Variants in OR2L13 observed in about 807,000 individuals in gnomAD.
OR2L13 encodes olfactory receptor family 2 subfamily L member 13.
A neutral mutation model predicts 15.3 loss-of-function variants in OR2L13; 14 were observed. The ratio of observed to expected loss-of-function variants is 0.91; its 90% CI spans 0.60 to 1.43. OR2L13 has a LOEUF of 1.43. Ranked by LOEUF, OR2L13 falls within the 40% of genes most tolerant of loss-of-function variation. OR2L13 has a pLI of 0.00. For synonymous variants in OR2L13, 152 were observed against 142.9 expected, an observed-to-expected ratio of 1.06 and a Z score of -0.45; for missense variants, 367 against 387.9, an observed-to-expected ratio of 0.95 and a Z score of 0.45.
At chr1:247,988,515 T>A in the OR2L13 span, among the ~76,000 whole-genome samples, 2 of 152,164 alleles carry the variant, frequency 1.3e-5, no homozygotes, top group African/African-American at 2.4e-5. Context: ...ATCATTTTAA[T>A]CAGGGTATAT....
chr1:247,993,809 G>GAGAA, the OR2L13 span, among the ~76,000 whole-genome samples: 285 of 132,882 alleles, frequency 2.1e-3, no homozygotes, highest in Admixed American at 2.8e-3. Flanking sequence ...GAGAGAGAGA[G>GAGAA]AGAAAGAAAG....
the OR2L13 span, among the ~76,000 whole-genome samples, chr1:248,042,559 C>A: frequency 6.7e-6 from 1 of 149,732 alleles, no homozygotes; most frequent in African/African-American, 2.5e-5. Context: ...AAAACAAAAA[C>A]AAACAAGCAA....
At chr1:248,092,634 G>A (rs1483007066), upstream of OR2L13, among the ~76,000 whole-genome samples, 1 of 152,162 alleles carries the variant, frequency 6.6e-6, no homozygotes. Flanking sequence ...AGTCTTCTTA[G>A]AAGGGTTACA....
At chr1:247,964,915 A>G in the OR2L13 span, among the ~76,000 whole-genome samples, 1 of 149,310 alleles carries the variant, frequency 6.7e-6, no homozygotes, top group Non-Finnish European at 1.5e-5. Flanking sequence ...AATACACATG[A>G]GTAATATGTT....
chr1:248,076,650 T>G, the OR2L13 span, among the ~76,000 whole-genome samples: 1 of 151,536 alleles, frequency 6.6e-6, no homozygotes, highest in African/African-American at 2.4e-5. Context: ...CTCTGTCTGT[T>G]AATGATGTAT....
At chr1:247,956,944 C>T in the OR2L13 span, among the ~76,000 whole-genome samples, 1 of 152,142 alleles carries the variant, frequency 6.6e-6, no homozygotes, top group East Asian at 1.9e-4. Context: ...ATTTCCTTCT[C>T]CTGCCTGATT....
At chr1:247,950,514 A>G in the OR2L13 span, among the ~76,000 whole-genome samples, 1 of 152,206 alleles carries the variant, frequency 6.6e-6, no homozygotes, top group Non-Finnish European at 1.5e-5. Flanking sequence ...GTATAGTGTA[A>G]GAATTGGGAG....
At chr1:248,084,733 T>G in the OR2L13 span, 15 of 1,328,548 alleles carry the variant, frequency 1.1e-5, no homozygotes, top group East Asian at 3.3e-4. Flanking sequence ...TTAGACTTCA[T>G]CTCAGACACA....
chr1:248,069,542 G>A, the OR2L13 span, among the ~76,000 whole-genome samples: 210 of 152,250 alleles, frequency 1.4e-3, 2 homozygotes, highest in African/African-American at 4.4e-3. Flanking sequence ...AAAGACCATC[G>A]ATGCTAGGAA....
chr1:248,053,608 C>T, the OR2L13 span, among the ~76,000 whole-genome samples: 1 of 152,284 alleles, frequency 6.6e-6, no homozygotes, highest in South Asian at 2.1e-4. Flanking sequence ...TTCACAGCCT[C>T]ACTAGCATCT....
At chr1:248,050,263 G>GA in the OR2L13 span, among the ~76,000 whole-genome samples, 4,972 of 142,866 alleles carry the variant, frequency 0.035, 239 homozygotes, top group African/African-American at 0.12. Context: ...AATTTTTAGT[G>GA]AAAAAAAAAA....
the OR2L13 span, among the ~76,000 whole-genome samples, chr1:247,956,521 A>G: frequency 6.6e-6 from 1 of 150,940 alleles, no homozygotes; most frequent in African/African-American, 2.4e-5. Flanking sequence ...TTGAATCTAT[A>G]AATTACCTTG....
At chr1:248,036,806 A>T in the OR2L13 span, among the ~76,000 whole-genome samples, 1 of 152,128 alleles carries the variant, frequency 6.6e-6, no homozygotes, top group African/African-American at 2.4e-5. Flanking sequence ...TGTCTTTTGA[A>T]GATGTAAAGT....
At chr1:248,079,729 A>G in the OR2L13 span, among the ~76,000 whole-genome samples, 2 of 152,202 alleles carry the variant, frequency 1.3e-5, no homozygotes, top group African/African-American at 4.8e-5. Context: ...TCAGTTTGTA[A>G]TGATCCTACA....
the OR2L13 span, among the ~76,000 whole-genome samples, chr1:248,020,761 A>T: frequency 6.6e-6 from 1 of 151,882 alleles, no homozygotes; most frequent in African/African-American, 2.4e-5. Context: ...TGGAATTATT[A>T]TTTTTTTATA....
chr1:248,067,951 C>G, the OR2L13 span, among the ~76,000 whole-genome samples: 1 of 152,216 alleles, frequency 6.6e-6, no homozygotes, highest in Non-Finnish European at 1.5e-5. Context: ...GGAGGGGCGC[C>G]CGCCATTGCC....
At chr1:248,028,587 T>C in the OR2L13 span, among the ~76,000 whole-genome samples, 1 of 152,230 alleles carries the variant, frequency 6.6e-6, no homozygotes. Context: ...TTTCTTATTC[T>C]AATCTCTTCT....
the OR2L13 span, chr1:247,965,145 G>T: frequency 2.1e-6 from 1 of 481,324 alleles, no homozygotes; most frequent in Non-Finnish European, 3.6e-6. Context: ...CTATACATTA[G>T]GTAATTCTTC....
At chr1:248,002,584 C>T in the OR2L13 span, among the ~76,000 whole-genome samples, 30 of 152,280 alleles carry the variant, frequency 2.0e-4, no homozygotes, top group East Asian at 5.8e-4. Flanking sequence ...ACAGGCCAGG[C>T]GCAGTGGCTC....
Sources: allele counts gnomAD v4.1 joint callset (sites outside exome capture counted in the v4.1 genomes callset), GRCh38; gene constraint gnomAD v4.1.1; transcripts MANE v1.5; gene names NCBI Gene and HGNC (gene_info 2026-07-23, HGNC 2026-07-21).